The following SFMBT2 variants were observed in gnomAD, a reference collection of about 807,000 sequenced individuals.
SFMBT2 encodes the protein Scm like with four mbt domains 2.
In SFMBT2, 38 loss-of-function variants were observed where a neutral mutation model predicts 110.1. That is an observed-to-expected ratio of 0.35 (90% confidence interval 0.27 to 0.45). The LOEUF (loss-of-function observed/expected upper bound fraction) is 0.45, where lower values mean the gene tolerates loss of function less well. Among genes scored for constraint, SFMBT2 ranks in the 20% least tolerant of loss-of-function variants. SFMBT2 has a pLI of 1.00. For synonymous variants in SFMBT2, 425 were observed against 425.4 expected (o/e 1.00, Z 0.01); for missense variants, 1,011 against 1,094.9 (o/e 0.92, Z 1.08).
chr10:7,265,498 G>A (rs1282276380), intron 7 of SFMBT2, among the ~76,000 whole-genome samples: 1 of 152,132 alleles, frequency 6.6e-6, no homozygotes, highest in Non-Finnish European at 1.5e-5. Flanking sequence ...ACCGCGCCTG[G>A]CCCCTGAGAT....
chr10:7,266,577 G>A (rs1030857900), intron 7 of SFMBT2, among the ~76,000 whole-genome samples: 1 of 152,184 alleles, frequency 6.6e-6, no homozygotes, highest in African/African-American at 2.4e-5. Context: ...AGCATCAGGC[G>A]ACTGGACCCA....
chr10:7,245,865 C>G (rs746386475), intron 8 of SFMBT2, among the ~76,000 whole-genome samples: 1 of 151,900 alleles, frequency 6.6e-6, no homozygotes, highest in African/African-American at 2.4e-5. Context: ...AGTTATGCCA[C>G]GAAGAAAAGG....
chr10:7,366,473 G>C (rs1293887168), intron 4 of SFMBT2, among the ~76,000 whole-genome samples: 1 of 150,624 alleles, frequency 6.6e-6, no homozygotes, highest in African/African-American at 2.4e-5. Context: ...ACCGTGAAAG[G>C]CTAAGTAAGG....
intron 3 of SFMBT2, among the ~76,000 whole-genome samples, chr10:7,369,119 G>T (rs1844994625): frequency 6.6e-6 from 1 of 152,144 alleles, no homozygotes; most frequent in Non-Finnish European, 1.5e-5. Context: ...CTTGAGCCTG[G>T]AGTTCGAGGC....
Position 7,170,280 on chromosome 10 carries a change from C to G in SFMBT2, c.2544+648G>C, listed in dbSNP as rs527812352. ...TGAAGAAGCTGCAACCCAGATTTGC[C>G]AAAAGGCACTGACAGGAGGCTCAAC... On this transcript the variant is annotated intron_variant, in intron 20 of 20. Transcript: ENST00000397167. The surrounding 1 kb of genome is among the most constrained non-coding windows in gnomAD (Gnocchi z 4.6). Among the ~76,000 whole-genome samples, 34 of 152,314 alleles carry G rather than the reference C, an allele frequency of 2.2e-4. No homozygotes were observed. The South Asian group carries it at 7.0e-3, about 32-fold the overall frequency.
intron 15 of SFMBT2, among the ~76,000 whole-genome samples, chr10:7,190,330 A>G (rs1186090946): frequency 6.6e-6 from 1 of 152,268 alleles, no homozygotes; most frequent in Non-Finnish European, 1.5e-5. Context: ...ATCAACAGAC[A>G]ATAAAATTTC....
intron 7 of SFMBT2, among the ~76,000 whole-genome samples, chr10:7,262,371 TG>T (rs142600416): frequency 0.063 from 9,605 of 152,150 alleles, 412 homozygotes; most frequent in Admixed American, 0.089. Flanking sequence ...GAATAGAAAA[TG>T]GCCCAAAAAA....
At chr10:7,280,144 G>T (rs966807391) in intron 6 of SFMBT2, among the ~76,000 whole-genome samples, 5 of 152,150 alleles carry the variant, frequency 3.3e-5, no homozygotes, top group Admixed American at 1.3e-4. Flanking sequence ...TGCAAACCAG[G>T]AAGCGAGCCC....
intron 10 of SFMBT2, among the ~76,000 whole-genome samples, chr10:7,224,306 G>C (rs11255048): frequency 0.37 from 56,854 of 151,892 alleles, 10,925 homozygotes; most frequent in South Asian, 0.43. Context: ...TAGGCTGCTT[G>C]GAGTCTTCCT....
chr10:7,171,989 G>T lies in SFMBT2; in HGVS notation c.2321C>A (p.Pro774His). The change falls in exon 19 of 21, where the codon CCC becomes CAC. Residue 774 changes from proline (P) to histidine (H), a missense_variant. Physicochemically the swap from Pro to His is moderately conservative, Grantham distance 77. This residue lies in a region of SFMBT2 where 979 missense variants were observed against 1,016.1 expected (regional missense o/e 0.96). Transcript: ENST00000397167. This position sits in a 1 kb window ranked among gnomAD's most constrained non-coding sequence, Gnocchi z 4.9. ...RSGSEPVRRP[P>H]PERTRRGRGA... is the part of the protein sequence containing the mutation. Reference sequence around the variant, plus strand: ...GCGGCCCCTTCGTGTCCTCTCTGGGGGTGGCCGGCGCACGGGCTCTGAGCC... The same window carrying T: ...GCGGCCCCTTCGTGTCCTCTCTGGGTGTGGCCGGCGCACGGGCTCTGAGCC... The T allele has an allele frequency of 6.4e-7, 1 of 1,550,996 alleles. No individual in the cohort carries two copies. Among genetic ancestry groups the T allele is most frequent in the Non-Finnish European group, 8.7e-7 (1 of 1,152,124 alleles).
chr10:7,265,203 CCCTT>C (rs1215593059), intron 7 of SFMBT2, among the ~76,000 whole-genome samples: 1 of 135,890 alleles, frequency 7.4e-6, no homozygotes, highest in Admixed American at 7.5e-5. Context: ...CTTCCTCCCT[CCCTT>C]CCTTCCTTCT....
intron 2 of SFMBT2, among the ~76,000 whole-genome samples, chr10:7,379,068 G>C (rs903341590): frequency 6.6e-6 from 1 of 152,138 alleles, no homozygotes; most frequent in South Asian, 2.1e-4. Context: ...CCAGTGGGCT[G>C]TTGAAGGATT....
At chr10:7,349,440 CTTTTTTTTTT>C (rs369479041) in intron 4 of SFMBT2, among the ~76,000 whole-genome samples, 4 of 46,888 alleles carry the variant, frequency 8.5e-5, no homozygotes, top group Non-Finnish European at 1.1e-4. Context: ...CTTTTCTTTT[CTTTTTTTTTT>C]TTTTTTTTTT....
intron 4 of SFMBT2, among the ~76,000 whole-genome samples, chr10:7,342,099 A>C (rs527903973): frequency 6.6e-6 from 1 of 151,954 alleles, no homozygotes; most frequent in Non-Finnish European, 1.5e-5. Flanking sequence ...AAAAAAAAAA[A>C]AGTTACCATG....
chr10:7,263,830 C>T (rs1334312462), intron 7 of SFMBT2, among the ~76,000 whole-genome samples: 1 of 152,158 alleles, frequency 6.6e-6, no homozygotes, highest in Admixed American at 6.5e-5. Context: ...CCGCGTCTTC[C>T]TTACCCCTTT....
At chr10:7,312,376 G>A (rs1842882810) in intron 4 of SFMBT2, among the ~76,000 whole-genome samples, 1 of 152,182 alleles carries the variant, frequency 6.6e-6, no homozygotes, top group African/African-American at 2.4e-5. Flanking sequence ...AGCACGTGAT[G>A]AGTCCAGCAG....
chr10:7,225,670 G>A (rs1839878569), intron 10 of SFMBT2, among the ~76,000 whole-genome samples: 1 of 152,122 alleles, frequency 6.6e-6, no homozygotes, highest in Non-Finnish European at 1.5e-5. Flanking sequence ...TCCTGGCTGC[G>A]AATGGGAACA....
chr10:7,277,137 C>CTGTTT, intron 6 of SFMBT2, 148 bp from the exon 7 acceptor site: 1 of 585,342 alleles, frequency 1.7e-6, no homozygotes. Flanking sequence ...CCATGAGCAG[C>CTGTTT]CACCTGCTGA....
chr10:7,398,740 G>C (rs1215152018), intron 1 of SFMBT2, among the ~76,000 whole-genome samples: 1 of 152,108 alleles, frequency 6.6e-6, no homozygotes, highest in African/African-American at 2.4e-5. Flanking sequence ...ATATTAAAAG[G>C]AATAAATTAG....
Sources: allele counts gnomAD v4.1 joint callset (sites outside exome capture counted in the v4.1 genomes callset), GRCh38; gene constraint gnomAD v4.1.1; regional missense constraint gnomAD v4.1.1; non-coding constraint Gnocchi (gnomAD v3.1); transcripts MANE v1.5; gene names NCBI Gene and HGNC (gene_info 2026-07-23, HGNC 2026-07-21).